EZH1: variants seen among roughly 807,000 people sequenced by gnomAD.
The protein encoded by EZH1 is enhancer of zeste 1 polycomb repressive complex 2 subunit, also known as histone-lysine N-methyltransferase EZH1.
Under a neutral mutation model 100.5 loss-of-function variants are expected in EZH1, and 33 were observed. The observed-to-expected ratio is 0.33, with a 90% CI of 0.25 to 0.44. EZH1 has a LOEUF of 0.44. Among genes scored for constraint, EZH1 ranks in the 20% least tolerant of loss-of-function variants. The probability of loss-of-function intolerance (pLI) is 1.00; values close to 1 mark genes in which losing one functional copy is unlikely to be tolerated. For synonymous variants in EZH1, 272 were observed against 313.8 expected, an observed-to-expected ratio of 0.87 and a Z score of 1.41; for missense variants, 475 against 928.4, an observed-to-expected ratio of 0.51 and a Z score of 6.35.
intron 10 of EZH1, chr17:42,714,538 C>T (rs906116112): frequency 2.8e-5 from 8 of 280,972 alleles, no homozygotes; most frequent in African/African-American, 8.9e-5. Flanking sequence ...ATGGTGGATC[C>T]GTGTGTGCTG....
In EZH1 at chr17:42,718,517, A is replaced by C; in HGVS notation, c.868T>G (p.Ser290Ala). Reference protein sequence around the residue: ...PNAKSVQREQSLHSFHTLFCR... With the variant: ...PNAKSVQREQALHSFHTLFCR... ...AAAAGTGTGTGGAAGGAGTGCAGAG[A>C]TTGCTCCCGCTGCACAGACTTGGCA... is the stretch of plus-strand genomic sequence containing the variant. Residue 290 changes from serine to alanine, a missense_variant, in exon 9 of 21, where the codon TCT becomes GCT. This residue lies in a region of EZH1 where 180 missense variants were observed against 295.3 expected (regional missense o/e 0.61). Coordinates refer to ENST00000428826, the MANE Select transcript of EZH1 (RefSeq NM_001991.5). This position sits in a 1 kb window ranked among gnomAD's most constrained non-coding sequence, Gnocchi z 4.2. 1 of 1,614,164 alleles carries C rather than the reference A, an allele frequency of 6.2e-7. No homozygotes were observed. The highest frequency in any genetic ancestry group is 8.5e-7 in the Non-Finnish European group (1 of 1,180,032).
intron 1 of EZH1, among the ~76,000 whole-genome samples, chr17:42,736,855 A>G (rs1419428263): frequency 6.6e-6 from 1 of 152,076 alleles, no homozygotes; most frequent in African/African-American, 2.4e-5. Flanking sequence ...TGCCTCATTA[A>G]TAATAATAGT....
intron 1 of EZH1, among the ~76,000 whole-genome samples, chr17:42,741,542 A>C (rs2054176523): frequency 6.6e-6 from 1 of 152,228 alleles, no homozygotes; most frequent in Non-Finnish European, 1.5e-5. Flanking sequence ...TTAATCTAAG[A>C]CCAGAAAAAG....
chr17:42,730,284 T>C (rs2053913799), intron 2 of EZH1, among the ~76,000 whole-genome samples: 1 of 151,988 alleles, frequency 6.6e-6, no homozygotes, highest in Non-Finnish European at 1.5e-5. Context: ...CATCCAAGGG[T>C]TTCATGGAAA....
rs558631111 is a variant in EZH1 at position 42,706,530 on chromosome 17, T to TAA, written c.1661-347_1661-346dup. On this transcript the variant is annotated intron_variant, in intron 15 of 20. Transcript: ENST00000428826. This position sits in a 1 kb window ranked among gnomAD's most constrained non-coding sequence, Gnocchi z 4.4. ...GGAGATCCTGTCTCCACAAAAAAAT[T>TAA]AAAAAAAAAAATAGCCATGTGTGGT... 2.1e-5 allele frequency among the ~76,000 whole-genome samples: 3 copies of TAA among 144,972 alleles called. No individual in the cohort carries two copies. Among genetic ancestry groups the TAA allele is most frequent in the Non-Finnish European group, 3.0e-5 (2 of 65,576 alleles).
rs1444447415 is a variant in EZH1, at chr17:42,708,866, T to G, written c.1534+10A>C. Reference sequence around the variant, plus strand: ...GCTGAACTGCTGAAGAATGCCCTGGTAGAACTTACCTTTCTTCAGCTGAAT... The same window carrying G: ...GCTGAACTGCTGAAGAATGCCCTGGGAGAACTTACCTTTCTTCAGCTGAAT... On this transcript the variant is annotated intron_variant, in intron 14 of 20. Coordinates refer to ENST00000428826, the MANE Select transcript of EZH1 (RefSeq NM_001991.5). 6.2e-7 allele frequency: 1 copy of G among 1,614,102 alleles called. No homozygotes were observed. The highest frequency in any genetic ancestry group is 1.3e-5 in the African/African-American group (1 of 75,028).
intron 16 of EZH1, 22 bp from the exon 17 acceptor site, chr17:42,705,205 C>G: frequency 1.3e-6 from 2 of 1,559,982 alleles, no homozygotes; most frequent in Non-Finnish European, 1.8e-6. Context: ...GGGGCCAAGT[C>G]TCAGACTACA....
intron 1 of EZH1, among the ~76,000 whole-genome samples, chr17:42,732,357 G>A (rs1054719526): frequency 6.6e-6 from 1 of 152,168 alleles, no homozygotes; most frequent in Non-Finnish European, 1.5e-5. Flanking sequence ...AAGAGGCTGG[G>A]TGCAGTGGCT....
At position 42,708,230 on chromosome 17, in the gene EZH1, G is replaced by A. The variant is rs951921885; in HGVS notation, c.1535-147C>T. On this transcript the variant is annotated intron_variant, in intron 14 of 20. Coordinates refer to ENST00000428826, the MANE Select transcript of EZH1 (RefSeq NM_001991.5). ...TTAGCACCTGAAGTGAGAAGACAGG[G>A]ATGACCGTTGTTCATAAGCTGCAGT... The A allele has an allele frequency of 5.4e-6, 5 of 931,452 alleles. No homozygotes were observed. In the African/African-American group the frequency reaches 6.7e-5, roughly 12 times the overall value. 57.7% of individuals were successfully genotyped at this position (931,452 alleles called of 1,614,324 possible). A position where few individuals can be genotyped will look rare whatever the true frequency, so the allele number is the denominator to read the frequency against.
rs2053528219 is a variant in EZH1, at chr17:42,713,396, T to C, written c.1024-7A>G. 2.5e-6 allele frequency: 4 copies of C among 1,588,094 alleles called. No individual in the cohort carries two copies. Among genetic ancestry groups the C allele is most frequent in the Admixed American group, 3.4e-5 (2 of 58,798 alleles). On this transcript the variant is annotated splice_polypyrimidine_tract_variant and splice_region_variant and intron_variant, in intron 10 of 20. Transcript: ENST00000428826. Reference sequence around the variant, plus strand: ...CATACTCCTTTGCTCCTTCCTGCAGTGGACACATTACAGACAGGAAATAGG... The same window carrying C: ...CATACTCCTTTGCTCCTTCCTGCAGCGGACACATTACAGACAGGAAATAGG...
chr17:42,733,108 C>A (rs988718579), intron 1 of EZH1, among the ~76,000 whole-genome samples: 4 of 150,838 alleles, frequency 2.7e-5, no homozygotes, highest in Non-Finnish European at 5.9e-5. Context: ...AAGGCCGAGG[C>A]GGGCAGATCA....
Position 42,718,495 on chromosome 17 carries a change from AGT to A in EZH1, c.888_889del (p.Leu297PhefsTer7). 6.2e-7 allele frequency: 1 copy of A among 1,614,176 alleles called. No individual in the cohort carries two copies. The highest frequency in any genetic ancestry group is 8.5e-7 in the Non-Finnish European group (1 of 1,180,044). ...GTATTTAAAGCAGCGCCGGCAAAAA[AGT>A]GTGTGGAAGGAGTGCAGAGATTGCT... is the stretch of plus-strand genomic sequence containing the variant. On this transcript the variant is annotated frameshift_variant, in exon 9 of 21. Coordinates refer to ENST00000428826, the MANE Select transcript of EZH1 (RefSeq NM_001991.5). LOFTEE classifies it high-confidence loss of function. The surrounding 1 kb of genome is among the most constrained non-coding windows in gnomAD (Gnocchi z 4.2).
At chr17:42,727,485 T>G in intron 4 of EZH1, 150 bp downstream of exon 4, 2 of 930,452 alleles carry the variant, frequency 2.1e-6, no homozygotes, top group Non-Finnish European at 3.0e-6. Flanking sequence ...TCAAGCGATT[T>G]TCCCACCTCA....
chr17:42,724,354 G>T lies in EZH1; in HGVS notation c.317C>A (p.Ala106Glu), dbSNP rs1300525501. Reference sequence around the variant, plus strand: ...CCAGGAATACATGATGGGAACCAATGCAACTGTGTTCAGTGACCTCATTAA... The same window carrying T: ...CCAGGAATACATGATGGGAACCAATTCAACTGTGTTCAGTGACCTCATTAA... ...HMLMRSLNTV[A>E]LVPIMYSWSP... Residue 106 changes from alanine to glutamate, a missense_variant, in exon 5 of 21, where the codon GCA becomes GAA. This residue lies in a region of EZH1 where 105 missense variants were observed against 129.8 expected (regional missense o/e 0.81). Transcript: ENST00000428826. 1 of 1,614,066 alleles carries T rather than the reference G, an allele frequency of 6.2e-7. No individual in the cohort carries two copies. Among genetic ancestry groups the T allele is most frequent in the East Asian group, 2.2e-5 (1 of 44,876 alleles).
intron 11 of EZH1, among the ~76,000 whole-genome samples, chr17:42,712,859 G>A (rs1444354884): frequency 2.0e-5 from 3 of 152,058 alleles, no homozygotes; most frequent in Non-Finnish European, 4.4e-5. Flanking sequence ...CCAACATGGC[G>A]AAACCCCGTC....
At chr17:42,744,960 G>A (rs555047687) in intron 1 of EZH1, 51 bp downstream of exon 1, 1 of 1,254,236 alleles carries the variant, frequency 8.0e-7, no homozygotes, top group Non-Finnish European at 1.0e-6. Context: ...AGGGCGGCGA[G>A]GGGAGGAGGC....
In EZH1 at chr17:42,704,995, G is replaced by A. The variant is rs993008455; in HGVS notation, c.1935+93C>T. 1.5e-5 allele frequency: 16 copies of A among 1,094,996 alleles called. No homozygotes were observed. In the East Asian group the frequency reaches 1.7e-4, roughly 11 times the overall value. The allele number at this position is 1,094,996 out of a possible 1,614,324, so 67.8% of individuals were successfully genotyped here. Reference sequence around the variant, plus strand: ...CGTGAGAACACAGCTGAGTTATTTAGAGATTAATTCAAAGAAGCCTGGCCC... The same window carrying A: ...CGTGAGAACACAGCTGAGTTATTTAAAGATTAATTCAAAGAAGCCTGGCCC... On this transcript the variant is annotated intron_variant, in intron 17 of 20. Transcript: ENST00000428826.
At chr17:42,736,633 G>A (rs1375955648) in intron 1 of EZH1, among the ~76,000 whole-genome samples, 8 of 152,078 alleles carry the variant, frequency 5.3e-5, no homozygotes, top group South Asian at 4.2e-4. Context: ...TCAGGAGTTC[G>A]AGACCAGCCT....
chr17:42,716,047 CAAA>C (rs35668797), intron 10 of EZH1, among the ~76,000 whole-genome samples: 5 of 70,694 alleles, frequency 7.1e-5, no homozygotes, highest in Non-Finnish European at 5.8e-5. Context: ...AACTCTGTCT[CAAA>C]AAAAAAAAAA....
Sources: gnomAD v4.1 joint callset for allele counts (sites outside exome capture counted in the v4.1 genomes callset) on GRCh38, gnomAD v4.1.1 for gene constraint, gnomAD v4.1.1 regional missense constraint, Gnocchi (gnomAD v3.1) non-coding constraint, MANE v1.5 for transcripts, NCBI Gene and HGNC (gene_info 2026-07-23, HGNC 2026-07-21) for gene names.